The following WASF3 variants were observed in gnomAD, a reference collection of about 807,000 sequenced individuals.
WASF3 encodes WASP family member 3.
Under a neutral mutation model 46.6 loss-of-function variants are expected in WASF3, and 11 were observed. The ratio of observed to expected loss-of-function variants is 0.24; its 90% CI spans 0.15 to 0.39. The LOEUF is 0.39. WASF3 is among the 10% of genes least tolerant of loss of function. The pLI, the probability that WASF3 is intolerant of heterozygous loss-of-function variation, is 1.00. For missense variants in WASF3, 576 were observed against 669.8 expected (o/e 0.86, Z 1.55); for synonymous variants, 242 against 259.7 (o/e 0.93, Z 0.65).
chr13:26,631,230 T>G (rs1382164121), intron 2 of WASF3, among the ~76,000 whole-genome samples: 1 of 152,034 alleles, frequency 6.6e-6, no homozygotes, highest in Non-Finnish European at 1.5e-5. Context: ...ACTCATGGAG[T>G]CCTGAAGTCC....
chr13:26,562,857 T>TCCCCTCC (rs1879337776), intron 1 of WASF3, among the ~76,000 whole-genome samples: 2 of 96,702 alleles, frequency 2.1e-5, no homozygotes, highest in African/African-American at 8.7e-5. Flanking sequence ...CCCTCCCCTC[T>TCCCCTCC]CCTCCCCTCC....
At chr13:26,597,196 A>G (rs666505) in intron 1 of WASF3, among the ~76,000 whole-genome samples, 150,403 of 152,316 alleles carry the variant, frequency 0.99, 74,281 homozygotes, top group South Asian at 1. Context: ...GCAGTGGTGC[A>G]ATCTCATCCC....
intron 1 of WASF3, among the ~76,000 whole-genome samples, chr13:26,570,606 A>G (rs1387098094): frequency 6.6e-6 from 1 of 152,032 alleles, no homozygotes; most frequent in Non-Finnish European, 1.5e-5. Context: ...ATTACTCTTT[A>G]TCAGATTCCA....
intron 1 of WASF3, among the ~76,000 whole-genome samples, chr13:26,559,808 C>CTTTTTTTTTTTTTTTTT: frequency 1.4e-5 from 1 of 73,434 alleles, no homozygotes; most frequent in Non-Finnish European, 2.5e-5. Flanking sequence ...TTCTTTCTTT[C>CTTTTTTTTTTTTTTTTT]TTTTTTTTTT....
At chr13:26,587,876 A>T (rs891008437) in intron 1 of WASF3, among the ~76,000 whole-genome samples, 3 of 152,158 alleles carry the variant, frequency 2.0e-5, no homozygotes, top group African/African-American at 7.2e-5. Flanking sequence ...TAAAATGAAG[A>T]GACCAAAAGT....
chr13:26,617,051 T>C (rs547350018), intron 2 of WASF3, among the ~76,000 whole-genome samples: 1 of 152,228 alleles, frequency 6.6e-6, no homozygotes, highest in African/African-American at 2.4e-5. Context: ...GTTAACTTTT[T>C]TGTGTGACCT....
chr13:26,600,417 A>G (rs74040622), intron 1 of WASF3, among the ~76,000 whole-genome samples: 1,717 of 152,290 alleles, frequency 0.011, 40 homozygotes, highest in African/African-American at 0.037. Flanking sequence ...TAGGATTGCT[A>G]TGAGGACCAA....
At chr13:26,574,318 T>C (rs1325353519) in intron 1 of WASF3, among the ~76,000 whole-genome samples, 1 of 152,220 alleles carries the variant, frequency 6.6e-6, no homozygotes, top group Non-Finnish European at 1.5e-5. Context: ...TAGTGTGTTT[T>C]ATTTATGGTG....
chr13:26,548,969 T>TTTTC, the WASF3 span, among the ~76,000 whole-genome samples: 13 of 149,048 alleles, frequency 8.7e-5, no homozygotes, highest in East Asian at 1.4e-3. Flanking sequence ...TACATTTTAT[T>TTTTC]TTTCTTTCTT....
chr13:26,638,945 T>A (rs1204559422), intron 2 of WASF3, among the ~76,000 whole-genome samples: 1 of 152,208 alleles, frequency 6.6e-6, no homozygotes, highest in African/African-American at 2.4e-5. Flanking sequence ...TGGTTTCTGT[T>A]GTTTCTTCTC....
intron 1 of WASF3, among the ~76,000 whole-genome samples, chr13:26,593,928 G>A (rs1005453307): frequency 5.9e-5 from 9 of 152,140 alleles, no homozygotes; most frequent in African/African-American, 2.2e-4. Context: ...AGTTGCTTCT[G>A]TGTTTTATTA....
At chr13:26,655,873 C>G (rs1238509802) in intron 3 of WASF3, among the ~76,000 whole-genome samples, 1 of 152,126 alleles carries the variant, frequency 6.6e-6, no homozygotes, top group African/African-American at 2.4e-5. Context: ...CCACCAATCT[C>G]GGAAGTAAAG....
At chr13:26,680,906 C>T (rs974564108) in intron 7 of WASF3, 148 bp from the exon 8 acceptor site, 7 of 941,916 alleles carry the variant, frequency 7.4e-6, no homozygotes, top group African/African-American at 3.3e-5. Flanking sequence ...GAATCTCTCA[C>T]GGGGCTATAC....
chr13:26,564,608 C>T (rs752196011), intron 1 of WASF3, among the ~76,000 whole-genome samples: 1 of 152,146 alleles, frequency 6.6e-6, no homozygotes, highest in African/African-American at 2.4e-5. Flanking sequence ...TGAGAAGCTC[C>T]GTGAAATTAT....
intron 3 of WASF3, among the ~76,000 whole-genome samples, chr13:26,656,511 C>T (rs1882470420): frequency 6.6e-6 from 1 of 151,900 alleles, no homozygotes; most frequent in South Asian, 2.1e-4. Flanking sequence ...TGACTGACCC[C>T]ATATTACTAA....
upstream of WASF3, among the ~76,000 whole-genome samples, chr13:26,555,248 AT>A (rs148421020): frequency 9.3e-3 from 1,407 of 152,104 alleles, 12 homozygotes; most frequent in Middle Eastern, 0.017. Flanking sequence ...TGAAAATTGG[AT>A]TGTTTTTTAA....
the WASF3 span, among the ~76,000 whole-genome samples, chr13:26,545,863 C>T: frequency 2.6e-5 from 4 of 152,230 alleles, no homozygotes; most frequent in Admixed American, 2.6e-4. Context: ...CTTGGCCTCC[C>T]AAAGTGCTGA....
chr13:26,547,500 G>A, the WASF3 span, among the ~76,000 whole-genome samples: 1 of 151,848 alleles, frequency 6.6e-6, no homozygotes, highest in Non-Finnish European at 1.5e-5. Flanking sequence ...TTCACACATT[G>A]TCCTTAATAC....
chr13:26,541,278 C>T, the WASF3 span, among the ~76,000 whole-genome samples: 11 of 152,184 alleles, frequency 7.2e-5, no homozygotes, highest in African/African-American at 2.6e-4. Context: ...CGCCAAATCT[C>T]GAGGGCAGGG....
Sources: allele counts gnomAD v4.1 joint callset (sites outside exome capture counted in the v4.1 genomes callset), GRCh38; gene constraint gnomAD v4.1.1; transcripts MANE v1.5; gene names NCBI Gene and HGNC (gene_info 2026-07-23, HGNC 2026-07-21).